The following DOCK3 variants were observed in gnomAD, a reference collection of about 807,000 sequenced individuals.
The protein encoded by DOCK3 is dedicator of cytokinesis 3, also known as dedicator of cytokinesis protein 3.
DOCK3 carries 60 observed loss-of-function variants against 265.6 expected under a neutral mutation model. The ratio of observed to expected loss-of-function variants is 0.23; its 90% CI spans 0.18 to 0.28. The LOEUF is 0.28. DOCK3 is among the 10% of genes least tolerant of loss of function. The pLI is 1.00. For synonymous variants in DOCK3, 881 were observed against 938.0 expected, an observed-to-expected ratio of 0.94 and a Z score of 1.11; for missense variants, 1,981 against 2,594.3, an observed-to-expected ratio of 0.76 and a Z score of 5.14.
At position 51,381,584 on chromosome 3, in the gene DOCK3, C is replaced by T. The variant is rs1043912502; in HGVS notation, c.*25C>T. 4.1e-6 allele frequency: 6 copies of T among 1,476,480 alleles called. No individual in the cohort carries two copies. The highest frequency in any genetic ancestry group is 2.8e-5 in the African/African-American group (2 of 70,856). 91.5% of individuals were successfully genotyped at this position (1,476,480 alleles called of 1,614,324 possible). A position where few individuals can be genotyped will look rare whatever the true frequency, so the allele number is the denominator to read the frequency against. ...AGGGGCAACGAGGCGGCTGGGATGC[C>T]GCCCTCAGTAAGCAGCTTGCCAATC... On this transcript the variant is annotated 3_prime_UTR_variant, in exon 53 of 53. Transcript: ENST00000266037. The surrounding 1 kb of genome is among the most constrained non-coding windows in gnomAD (Gnocchi z 5.6).
In DOCK3 at chr3:50,893,867, A is replaced by G. The variant is rs188303104; in HGVS notation, c.218+3786A>G. On this transcript the variant is annotated intron_variant, in intron 4 of 52. Transcript: ENST00000266037. ...AAGCCATCATTCTCAGCACAGTATC[A>G]CAAGGACAAAAAACCAAACACCGTG... Among the ~76,000 whole-genome samples, 648 of 151,696 alleles carry G rather than the reference A, an allele frequency of 4.3e-3. 22 individuals are homozygous for G. Among genetic ancestry groups the G allele is most frequent in the Admixed American group, 0.038 (572 of 15,200 alleles).
intron 17 of DOCK3, 31 bp downstream of exon 17, chr3:51,228,119 C>T: frequency 6.2e-7 from 1 of 1,600,968 alleles, no homozygotes; most frequent in Non-Finnish European, 8.6e-7. Flanking sequence ...TCATCCCCAC[C>T]CCTTACCTGC....
chr3:51,048,836 C>T (rs2080874957), intron 5 of DOCK3, among the ~76,000 whole-genome samples: 1 of 151,434 alleles, frequency 6.6e-6, no homozygotes, highest in African/African-American at 2.4e-5. Flanking sequence ...GCACTCCAGC[C>T]TGAGCGACAG....
chr3:50,753,092 G>A (rs2608988), intron 1 of DOCK3, among the ~76,000 whole-genome samples: 14,367 of 152,086 alleles, frequency 0.094, 841 homozygotes, highest in Non-Finnish European at 0.12. Context: ...ATCTCCACAC[G>A]TTTTTTTGAT....
At chr3:51,057,243 T>C (rs1292670088) in intron 5 of DOCK3, among the ~76,000 whole-genome samples, 1 of 152,228 alleles carries the variant, frequency 6.6e-6, no homozygotes, top group Non-Finnish European at 1.5e-5. Context: ...AGGCAAATTG[T>C]ACTTGGCATG....
chr3:51,099,798 T>C (rs762607993), intron 9 of DOCK3, among the ~76,000 whole-genome samples: 8 of 152,194 alleles, frequency 5.3e-5, no homozygotes, highest in Non-Finnish European at 1.0e-4. Flanking sequence ...TTTGAAGGGA[T>C]AAGTGTTATG....
intron 5 of DOCK3, among the ~76,000 whole-genome samples, chr3:50,948,401 C>A (rs368721396): frequency 1.0e-5 from 1 of 98,660 alleles, no homozygotes; most frequent in Non-Finnish European, 1.8e-5. Context: ...AAGTTTTAAT[C>A]TTTTTTTTTT....
At chr3:51,016,958 T>TA (rs2079368229) in intron 5 of DOCK3, among the ~76,000 whole-genome samples, 2 of 21,812 alleles carry the variant, frequency 9.2e-5, no homozygotes, top group African/African-American at 6.9e-4. Flanking sequence ...ATAATATATA[T>TA]ATTATATATA....
Position 50,778,684 on chromosome 3 carries a change from G to A in DOCK3, c.47G>A (p.Ser16Asn). The change falls in exon 2 of 53, where the codon AGC becomes AAC. Residue 16 changes from serine to asparagine, a missense_variant. Ser to Asn is a conservative substitution (Grantham distance 46). This residue lies in a region of DOCK3 where 456 missense variants were observed against 539.0 expected (regional missense o/e 0.85). Transcript: ENST00000266037. ...EEEKYGVVIC[S>N]FRGSVPQGLV... ...ATCCTTGCTTTTCTAGTGATATGCAGCTTTCGAGGATCTGTCCCTCAAGGG... is the reference window on the plus strand; with the variant it reads ...ATCCTTGCTTTTCTAGTGATATGCAACTTTCGAGGATCTGTCCCTCAAGGG... The A allele has an allele frequency of 6.3e-7, 1 of 1,584,102 alleles. No homozygotes were observed. The highest frequency in any genetic ancestry group is 8.6e-7 in the Non-Finnish European group (1 of 1,163,872).
intron 1 of DOCK3, among the ~76,000 whole-genome samples, chr3:50,708,324 T>C (rs2036545150): frequency 6.6e-6 from 1 of 152,126 alleles, no homozygotes. Context: ...GTTCTTTTTG[T>C]CTTTGGGGCA....
intron 19 of DOCK3, among the ~76,000 whole-genome samples, chr3:51,234,244 G>T (rs2078260185): frequency 2.6e-5 from 4 of 152,204 alleles, no homozygotes; most frequent in Non-Finnish European, 5.9e-5. Context: ...GATGATTAGT[G>T]ATGATGAGCA....
At chr3:51,277,775 T>A (rs1350860929) in intron 26 of DOCK3, 21 bp downstream of exon 26, 16 of 1,602,606 alleles carry the variant, frequency 1.0e-5, no homozygotes, top group Non-Finnish European at 1.3e-5. Flanking sequence ...AACATCCAGG[T>A]TTTCTTGCCT....
At chr3:50,797,523 T>TAA (rs935587087) in intron 2 of DOCK3, among the ~76,000 whole-genome samples, 12 of 152,220 alleles carry the variant, frequency 7.9e-5, no homozygotes, top group African/African-American at 2.4e-4. Flanking sequence ...CCTTTCCAGC[T>TAA]AAATGTCAGC....
intron 2 of DOCK3, among the ~76,000 whole-genome samples, chr3:50,833,345 T>C (rs747415515): frequency 2.6e-5 from 4 of 152,202 alleles, no homozygotes; most frequent in Admixed American, 6.5e-5. Context: ...AGACAAATCA[T>C]AATAGGACCA....
At chr3:51,065,321 T>A (rs2081553528) in intron 6 of DOCK3, among the ~76,000 whole-genome samples, 1 of 152,186 alleles carries the variant, frequency 6.6e-6, no homozygotes, top group East Asian at 1.9e-4. Context: ...ATACCTTAAG[T>A]ATATTTATAT....
intron 12 of DOCK3, among the ~76,000 whole-genome samples, chr3:51,191,700 G>GA (rs901050877): frequency 6.6e-6 from 1 of 151,842 alleles, no homozygotes; most frequent in Non-Finnish European, 1.5e-5. Context: ...GTTGCTTCTT[G>GA]AAAAAAAGTT....
chr3:51,269,187 ACATATATATG>A (rs1243361424), intron 23 of DOCK3, among the ~76,000 whole-genome samples: 1 of 148,196 alleles, frequency 6.7e-6, no homozygotes, highest in Non-Finnish European at 1.5e-5. Context: ...ATAATAATAT[ACATATATATG>A]CATATATATA....
At chr3:51,318,846 A>T (rs1264371189) in intron 32 of DOCK3, among the ~76,000 whole-genome samples, 1 of 152,134 alleles carries the variant, frequency 6.6e-6, no homozygotes, top group Admixed American at 6.5e-5. Context: ...TGCAATTTTT[A>T]AATTTTATTT....
intron 12 of DOCK3, among the ~76,000 whole-genome samples, chr3:51,194,016 T>C: frequency 6.6e-6 from 1 of 152,128 alleles, no homozygotes; most frequent in Non-Finnish European, 1.5e-5. Context: ...TTGTAATCTT[T>C]CAACTATTTT....
Sources: allele counts gnomAD v4.1 joint callset (sites outside exome capture counted in the v4.1 genomes callset), GRCh38; gene constraint gnomAD v4.1.1; regional missense constraint gnomAD v4.1.1; non-coding constraint Gnocchi (gnomAD v3.1); transcripts MANE v1.5; gene names NCBI Gene and HGNC (gene_info 2026-07-23, HGNC 2026-07-21).